Variants in PBX1 observed in about 807,000 individuals in gnomAD.
The protein encoded by PBX1 is PBX homeobox 1, also known as pre-B-cell leukemia transcription factor 1.
In PBX1, 6 loss-of-function variants were observed where a neutral mutation model predicts 53.4. That is an observed-to-expected ratio of 0.11 (90% CI 0.06 to 0.22). The LOEUF is 0.22. Ranked by LOEUF, PBX1 falls within the 10% of genes least tolerant of loss-of-function variation. PBX1 has a pLI of 1.00. For synonymous variants in PBX1, 204 were observed against 212.3 expected, an observed-to-expected ratio of 0.96 and a Z score of 0.34; for missense variants, 251 against 551.4, an observed-to-expected ratio of 0.46 and a Z score of 5.46.
chr1:164,884,407 CT>C, intron 2 of PBX1: 1 of 269,566 alleles, frequency 3.7e-6, no homozygotes, highest in Non-Finnish European at 7.5e-6. Flanking sequence ...TCATTGAGAT[CT>C]TGCCAGAGGG....
At chr1:164,750,947 T>C (rs1299394937) in intron 2 of PBX1, among the ~76,000 whole-genome samples, 2 of 152,180 alleles carry the variant, frequency 1.3e-5, no homozygotes, top group African/African-American at 4.8e-5. Flanking sequence ...GTAACAATTT[T>C]TAAATAGGGT....
chr1:164,563,344 C>A, intron 2 of PBX1, 33 bp downstream of exon 2: 1 of 1,446,428 alleles, frequency 6.9e-7, no homozygotes, highest in Non-Finnish European at 9.7e-7. Flanking sequence ...TTAGCATTTT[C>A]TTTGGCCAAT....
At chr1:164,746,178 T>A (rs1431826328) in intron 2 of PBX1, among the ~76,000 whole-genome samples, 1 of 152,216 alleles carries the variant, frequency 6.6e-6, no homozygotes, top group African/African-American at 2.4e-5. Context: ...GAGGTATGTT[T>A]CCTGTGTTTG....
intron 8 of PBX1, among the ~76,000 whole-genome samples, chr1:164,844,982 T>A (rs1394094989): frequency 6.6e-6 from 1 of 152,110 alleles, no homozygotes; most frequent in Non-Finnish European, 1.5e-5. Flanking sequence ...GATGGGAGAT[T>A]GGAACTTGAG....
chr1:164,689,136 G>A (rs959820672), intron 2 of PBX1, among the ~76,000 whole-genome samples: 7 of 152,234 alleles, frequency 4.6e-5, no homozygotes, highest in African/African-American at 1.2e-4. Flanking sequence ...TGCTGGGTAC[G>A]CTGACAATAC....
chr1:164,622,627 C>G (rs1389171180), intron 2 of PBX1, among the ~76,000 whole-genome samples: 2 of 152,126 alleles, frequency 1.3e-5, no homozygotes, highest in Non-Finnish European at 2.9e-5. Flanking sequence ...TGGCCACTTT[C>G]CTGAGCCAAG....
intron 2 of PBX1, among the ~76,000 whole-genome samples, chr1:164,662,209 C>T (rs1660528714): frequency 6.6e-6 from 1 of 152,122 alleles, no homozygotes; most frequent in South Asian, 2.1e-4. Context: ...ACCTGTAACC[C>T]CAGTTACTCG....
At chr1:164,769,575 G>T (rs1667256357) in intron 2 of PBX1, among the ~76,000 whole-genome samples, 1 of 152,168 alleles carries the variant, frequency 6.6e-6, no homozygotes, top group South Asian at 2.1e-4. Context: ...TGTGTGTGCT[G>T]TACAAATGGG....
intron 2 of PBX1, among the ~76,000 whole-genome samples, chr1:164,621,505 G>A (rs1208498439): frequency 1.3e-5 from 2 of 152,166 alleles, no homozygotes. Context: ...TTTACTGTAG[G>A]TTCTCCTTCA....
rs971220350 is a variant in PBX1, at chr1:164,569,640, C to T, written c.265+6329C>T. Among the ~76,000 whole-genome samples the T allele has an allele frequency of 3.2e-5, 4 of 125,936 alleles. No individual in the cohort carries two copies. The East Asian group carries it at 7.2e-4, about 23-fold the overall frequency. 82.6% of individuals were successfully genotyped at this position (125,936 alleles called of 152,430 possible). On this transcript the variant is annotated intron_variant, in intron 2 of 8. Coordinates refer to ENST00000420696, the MANE Select transcript of PBX1 (RefSeq NM_002585.4). ...AGGTTGGAGTGCAGTGGCGTGATCT[C>T]GGCCCACTGAAACCTCTATCCCTGG...
At chr1:164,836,093 C>A (rs1001425301) in intron 8 of PBX1, among the ~76,000 whole-genome samples, 2 of 152,112 alleles carry the variant, frequency 1.3e-5, no homozygotes, top group African/African-American at 4.8e-5. Context: ...ATAGTTACAT[C>A]TATTAAAAAA....
At chr1:164,769,061 A>G (rs1306819054) in intron 2 of PBX1, 1 of 144,438 alleles carries the variant, frequency 6.9e-6, no homozygotes, top group Non-Finnish European at 1.5e-5. Flanking sequence ...TCTCAAAAAG[A>G]AAAAAAAAAA....
chr1:164,573,229 A>AT (rs1436706452), intron 2 of PBX1, among the ~76,000 whole-genome samples: 1 of 152,190 alleles, frequency 6.6e-6, no homozygotes, highest in Non-Finnish European at 1.5e-5. Context: ...GATATTTTGC[A>AT]TTCTTTTTTT....
chr1:164,870,812 AG>A (rs1169792755), intron 2 of PBX1, among the ~76,000 whole-genome samples: 1 of 152,214 alleles, frequency 6.6e-6, no homozygotes, highest in African/African-American at 2.4e-5. Context: ...TTCCTTGTTC[AG>A]GGTTCCTCTG....
At chr1:164,856,513 C>T (rs1671979664), downstream of PBX1, among the ~76,000 whole-genome samples, 1 of 151,884 alleles carries the variant, frequency 6.6e-6, no homozygotes, top group Admixed American at 6.6e-5. Context: ...CCAAAGCTTC[C>T]ACTGTTCAGC....
intron 2 of PBX1, among the ~76,000 whole-genome samples, chr1:164,755,193 C>A (rs1342396090): frequency 6.6e-6 from 1 of 152,136 alleles, no homozygotes; most frequent in Non-Finnish European, 1.5e-5. Flanking sequence ...GTATTTTCAC[C>A]CTTCTTGCCC....
At chr1:164,857,744 T>C (rs1340428857) in intron 2 of PBX1, among the ~76,000 whole-genome samples, 2 of 152,176 alleles carry the variant, frequency 1.3e-5, no homozygotes, top group Non-Finnish European at 2.9e-5. Context: ...AAATTTCCCA[T>C]TTTACCATAA....
chr1:164,809,517 T>G (rs1408000791), intron 5 of PBX1, among the ~76,000 whole-genome samples: 1 of 152,194 alleles, frequency 6.6e-6, no homozygotes, highest in Non-Finnish European at 1.5e-5. Flanking sequence ...GAGCCTATTT[T>G]TGACAAGAGT....
intron 2 of PBX1, among the ~76,000 whole-genome samples, chr1:164,876,183 G>C (rs1187502285): frequency 6.6e-6 from 1 of 151,826 alleles, no homozygotes; most frequent in African/African-American, 2.4e-5. Context: ...CAAATAGAGT[G>C]TTATGTAAAT....
Sources: gnomAD v4.1 joint callset for allele counts (sites outside exome capture counted in the v4.1 genomes callset) on GRCh38, gnomAD v4.1.1 for gene constraint, MANE v1.5 for transcripts, NCBI Gene and HGNC (gene_info 2026-07-23, HGNC 2026-07-21) for gene names.